HDX: variants seen among roughly 807,000 people sequenced by gnomAD.
HDX encodes chromosome X open reading frame 43.
HDX carries 19 observed loss-of-function variants against 45.2 expected under a neutral mutation model. The observed-to-expected ratio is 0.42, with a 90% CI of 0.29 to 0.62. The LOEUF is 0.62. Ranked by LOEUF, HDX falls within the 20% of genes least tolerant of loss-of-function variation. HDX has a pLI of 0.20. For synonymous variants in HDX, 188 were observed against 172.8 expected (o/e 1.09, Z -0.69); for missense variants, 532 against 493.9 (o/e 1.08, Z -0.73).
chrX:84,390,773 C>T (rs2047854215), intron 5 of HDX, among the ~76,000 whole-genome samples: 1 of 112,582 alleles, frequency 8.9e-6, no homozygotes, highest in Non-Finnish European at 1.9e-5. Flanking sequence ...ATTACTTACA[C>T]ATTCTGTGGT....
intron 6 of HDX, among the ~76,000 whole-genome samples, chrX:84,348,288 T>A (rs549714758): frequency 2.3e-4 from 26 of 111,963 alleles, no homozygotes; most frequent in South Asian, 7.3e-4. Flanking sequence ...TTTCAGTTAC[T>A]GTTTTTGGTC....
intron 9 of HDX, among the ~76,000 whole-genome samples, chrX:84,327,342 A>C (rs2036735597): frequency 1.8e-5 from 2 of 111,735 alleles, no homozygotes; most frequent in African/African-American, 6.5e-5. Context: ...TGAGGGCTAT[A>C]ACACTCAAAT....
At chrX:84,455,259 T>G in intron 4 of HDX, among the ~76,000 whole-genome samples, 1 of 111,777 alleles carries the variant, frequency 8.9e-6, no homozygotes, top group East Asian at 2.8e-4. Context: ...GACAGAAATA[T>G]GGGACCTTTC....
chrX:84,364,961 A>T (rs1233875131), intron 5 of HDX, among the ~76,000 whole-genome samples: 2 of 111,308 alleles, frequency 1.8e-5, no homozygotes, highest in African/African-American at 3.3e-5. Flanking sequence ...GTTAAATAAA[A>T]TTCCATTGTA....
intron 5 of HDX, among the ~76,000 whole-genome samples, chrX:84,418,102 G>T (rs1441688830): frequency 8.9e-6 from 1 of 111,847 alleles, no homozygotes; most frequent in Admixed American, 9.5e-5. Context: ...GACCGGTGAA[G>T]GTCTTTCCCA....
intron 7 of HDX, 110 bp downstream of exon 7, chrX:84,344,140 G>T: frequency 1.9e-6 from 1 of 539,993 alleles, no homozygotes; most frequent in Non-Finnish European, 3.0e-6. Flanking sequence ...TCAAATACTT[G>T]GCCAAATGTT....
At chrX:84,416,417 AT>A (rs2039103914) in intron 5 of HDX, among the ~76,000 whole-genome samples, 1 of 111,946 alleles carries the variant, frequency 8.9e-6, no homozygotes, top group Admixed American at 9.5e-5. Context: ...GATGGTGATT[AT>A]ATTTCATTGT....
chrX:84,479,315 T>C (rs767401929), intron 2 of HDX, among the ~76,000 whole-genome samples: 3 of 112,049 alleles, frequency 2.7e-5, no homozygotes, highest in Non-Finnish European at 5.6e-5. Flanking sequence ...AATCAACATG[T>C]AGACTCTTCA....
At chrX:84,374,207 G>A (rs1451509641) in intron 5 of HDX, among the ~76,000 whole-genome samples, 1 of 111,375 alleles carries the variant, frequency 9.0e-6, no homozygotes, top group Non-Finnish European at 1.9e-5. Context: ...TACAAGGGAT[G>A]TGAAGGACCT....
At chrX:84,471,244 AATAGATAGATAGATAG>A (rs200160920) in intron 3 of HDX, among the ~76,000 whole-genome samples, 3 of 97,358 alleles carry the variant, frequency 3.1e-5, no homozygotes, top group East Asian at 3.1e-4. Context: ...GTGTTCTCTC[AATAGATAGATAGATAG>A]ATAGATAGAT....
chrX:84,346,934 T>C (rs887639047), intron 6 of HDX, among the ~76,000 whole-genome samples: 7 of 110,989 alleles, frequency 6.3e-5, no homozygotes, highest in African/African-American at 2.0e-4. Flanking sequence ...TGGAAAGAAC[T>C]GAAATCTTGA....
At chrX:84,381,344 C>G (rs2085515667) in intron 5 of HDX, among the ~76,000 whole-genome samples, 2 of 110,781 alleles carry the variant, frequency 1.8e-5, no homozygotes, top group Non-Finnish European at 3.8e-5. Context: ...GAGAAAATAA[C>G]TATCATAACA....
At chrX:84,464,676 C>G (rs1285497290) in intron 4 of HDX, among the ~76,000 whole-genome samples, 2 of 111,598 alleles carry the variant, frequency 1.8e-5, no homozygotes, top group Non-Finnish European at 3.8e-5. Context: ...AAAATTAACT[C>G]AAGATGATTA....
intron 4 of HDX, among the ~76,000 whole-genome samples, chrX:84,457,176 T>A (rs992313918): frequency 8.9e-6 from 1 of 111,768 alleles, no homozygotes; most frequent in African/African-American, 3.2e-5. Context: ...TTGACATAAC[T>A]ATGCTTACAG....
intron 9 of HDX, among the ~76,000 whole-genome samples, chrX:84,327,605 C>T (rs766833545): frequency 3.6e-4 from 40 of 111,006 alleles, no homozygotes; most frequent in African/African-American, 9.1e-4. Flanking sequence ...AAAAAGTTAT[C>T]GGCCCTTACC....
intron 5 of HDX, among the ~76,000 whole-genome samples, chrX:84,376,215 C>T (rs764037738): frequency 1.2e-4 from 14 of 112,156 alleles, no homozygotes; most frequent in Non-Finnish European, 2.4e-4. Context: ...CCTTAGGCCG[C>T]GAATAGCTAG....
At chrX:84,354,703 G>GT (rs1318696831) in intron 6 of HDX, among the ~76,000 whole-genome samples, 1 of 108,830 alleles carries the variant, frequency 9.2e-6, no homozygotes, top group Admixed American at 1.0e-4. Flanking sequence ...GTGTTGTAAA[G>GT]TTTTTTCCAA....
chrX:84,462,667 C>G (rs5923009), intron 4 of HDX, among the ~76,000 whole-genome samples: 11 of 109,929 alleles, frequency 1.0e-4, no homozygotes, highest in African/African-American at 3.6e-4. Flanking sequence ...CTGAGTGATA[C>G]TGTTCTATTA....
At chrX:84,355,577 G>A (rs1268797518) in intron 6 of HDX, among the ~76,000 whole-genome samples, 1 of 110,516 alleles carries the variant, frequency 9.0e-6, no homozygotes, top group Non-Finnish European at 1.9e-5. Flanking sequence ...GATGAAGCTG[G>A]AAACCATCAT....
Sources: gnomAD v4.1 joint callset for allele counts (sites outside exome capture counted in the v4.1 genomes callset) on GRCh38, gnomAD v4.1.1 for gene constraint, MANE v1.5 for transcripts, NCBI Gene and HGNC (gene_info 2026-07-23, HGNC 2026-07-21) for gene names.